The following PLCXD3 variants were observed in gnomAD, a reference collection of about 807,000 sequenced individuals.
The protein encoded by PLCXD3 is PI-PLC X domain-containing protein 3.
Under a neutral mutation model 25.5 loss-of-function variants are expected in PLCXD3, and 19 were observed. That is an observed-to-expected ratio of 0.75 (90% CI 0.52 to 1.09). The LOEUF (loss-of-function observed/expected upper bound fraction) is 1.09, where lower values mean the gene tolerates loss of function less well. PLCXD3 is among the 50% of genes least tolerant of loss of function. The pLI is 0.00. For missense variants in PLCXD3, 411 were observed against 388.1 expected (o/e 1.06, Z -0.50); for synonymous variants, 174 against 137.6 (o/e 1.26, Z -1.85).
At chr5:41,408,892 G>A (rs1372597739) in intron 1 of PLCXD3, among the ~76,000 whole-genome samples, 1 of 152,160 alleles carries the variant, frequency 6.6e-6, no homozygotes, top group African/African-American at 2.4e-5. Flanking sequence ...GAAAGATGGG[G>A]GAGGAAAGTG....
chr5:41,367,979 A>C (rs909343774), intron 2 of PLCXD3, among the ~76,000 whole-genome samples: 2 of 151,986 alleles, frequency 1.3e-5, no homozygotes. Context: ...TGGGTTCTCT[A>C]TTCTGTTCCA....
At chr5:41,431,547 T>C (rs1357389425) in intron 1 of PLCXD3, among the ~76,000 whole-genome samples, 3 of 152,208 alleles carry the variant, frequency 2.0e-5, no homozygotes, top group African/African-American at 7.2e-5. Context: ...TCAGCATGAA[T>C]TGGGAGGGAA....
chr5:41,393,550 A>T (rs979413706), intron 1 of PLCXD3, among the ~76,000 whole-genome samples: 1 of 152,188 alleles, frequency 6.6e-6, no homozygotes, highest in African/African-American at 2.4e-5. Flanking sequence ...GACCCACCCT[A>T]GAAGAAATAT....
chr5:41,473,371 T>C (rs1271474025), intron 1 of PLCXD3, among the ~76,000 whole-genome samples: 1 of 152,162 alleles, frequency 6.6e-6, no homozygotes, highest in Non-Finnish European at 1.5e-5. Context: ...TTGGTGCCAA[T>C]TCTGAGAAAT....
intron 1 of PLCXD3, among the ~76,000 whole-genome samples, chr5:41,487,147 G>C (rs1748538047): frequency 6.6e-6 from 1 of 152,134 alleles, no homozygotes; most frequent in African/African-American, 2.4e-5. Flanking sequence ...GATTGCACTT[G>C]TAGTGCCATA....
In PLCXD3 at chr5:41,336,951, C is replaced by T. The variant is rs150494639; in HGVS notation, c.813-23181G>A. On this transcript the variant is annotated intron_variant, in intron 2 of 2. Coordinates refer to ENST00000377801, the MANE Select transcript of PLCXD3 (RefSeq NM_001005473.3). ...TCTGCTTTCTGGGAAACCCAACCTA[C>T]AAGTGTAATCTAGATGGCAGGAAAT... Among the ~76,000 whole-genome samples, 3 of 152,266 alleles carry T rather than the reference C, an allele frequency of 2.0e-5. No homozygotes were observed. The East Asian group carries it at 5.8e-4, about 29-fold the overall frequency.
At chr5:41,441,839 G>T (rs1003178198) in intron 1 of PLCXD3, among the ~76,000 whole-genome samples, 1 of 152,102 alleles carries the variant, frequency 6.6e-6, no homozygotes, top group Non-Finnish European at 1.5e-5. Flanking sequence ...TGGAGACCCA[G>T]GTTGTCTCCA....
At chr5:41,389,562 G>A (rs538568227) in intron 1 of PLCXD3, among the ~76,000 whole-genome samples, 70 of 152,214 alleles carry the variant, frequency 4.6e-4, no homozygotes, top group Middle Eastern at 6.8e-3. Context: ...TGTAGCTAAA[G>A]GCTCCCGTGT....
intron 1 of PLCXD3, among the ~76,000 whole-genome samples, chr5:41,416,415 G>A (rs1314382561): frequency 1.3e-5 from 2 of 152,216 alleles, no homozygotes; most frequent in Admixed American, 1.3e-4. Flanking sequence ...CAGAAGGAAG[G>A]TCTGTGTACC....
chr5:41,410,625 C>T (rs1746491725), intron 1 of PLCXD3, among the ~76,000 whole-genome samples: 1 of 152,148 alleles, frequency 6.6e-6, no homozygotes, highest in Non-Finnish European at 1.5e-5. Flanking sequence ...TCTACCCAGG[C>T]CATCTGAAGG....
At chr5:41,382,850 G>A (rs570559776) in intron 1 of PLCXD3, among the ~76,000 whole-genome samples, 50 of 152,174 alleles carry the variant, frequency 3.3e-4, no homozygotes, top group South Asian at 2.1e-3. Context: ...CCTTATGGGT[G>A]ACTTAAGTGA....
Position 41,477,397 on chromosome 5 carries a change from T to G in PLCXD3, c.103+33027A>C, listed in dbSNP as rs143463248. On this transcript the variant is annotated intron_variant, in intron 1 of 2. Coordinates refer to ENST00000377801, the MANE Select transcript of PLCXD3 (RefSeq NM_001005473.3). ...GGATTCTGGAATCAGAAGACTTAGA[T>G]CCTATCCCCATACCTGTCGCTCCTG... 5.3e-3 allele frequency among the ~76,000 whole-genome samples: 805 copies of G among 152,274 alleles called. 7 individuals carry two copies. Among genetic ancestry groups the G allele is most frequent in the African/African-American group, 0.018 (747 of 41,554 alleles).
rs551728826 is a variant in PLCXD3, at chr5:41,457,817, G to A, written c.103+52607C>T. Among the ~76,000 whole-genome samples the A allele has an allele frequency of 6.6e-5, 10 of 151,964 alleles. No individual in the cohort carries two copies. In the South Asian group the frequency reaches 1.9e-3, roughly 28 times the overall value. On this transcript the variant is annotated intron_variant, in intron 1 of 2. Transcript: ENST00000377801. ...AGAAAGATGAGCACTGAGAAAATGC[G>A]GAAAGACTGGGCCTTCCCTATCCTC...
At position 41,488,033 on chromosome 5, in the gene PLCXD3, C is replaced by A. The variant is rs532530663; in HGVS notation, c.103+22391G>T. 1.8e-4 allele frequency among the ~76,000 whole-genome samples: 27 copies of A among 149,300 alleles called. No individual in the cohort carries two copies. The South Asian group carries it at 5.8e-3, about 32-fold the overall frequency. On this transcript the variant is annotated intron_variant, in intron 1 of 2. Transcript: ENST00000377801. ...CTGCACCCATTAACTCGTCATTTAG[C>A]ATTAGGTATATCTCCTAAAGCTATC...
rs373244601 is a variant in PLCXD3, at chr5:41,428,374, G to GTTTTTTTTTTTTTTTTTTTTTTT, written c.104-45841_104-45840insAAAAAAAAAAAAAAAAAAAAAAA. Reference sequence around the variant, plus strand: ...TAAAGAGGTGATTAAGTTAAAATGAGTTTTTTTGTTTTTGTTTTTGTTTTT... The same window carrying GTTTTTTTTTTTTTTTTTTTTTTT: ...TAAAGAGGTGATTAAGTTAAAATGAGTTTTTTTTTTTTTTTTTTTTTTTTTTTTTTGTTTTTGTTTTTGTTTTT... On this transcript the variant is annotated intron_variant, in intron 1 of 2. Coordinates refer to ENST00000377801, the MANE Select transcript of PLCXD3 (RefSeq NM_001005473.3). 2.2e-5 allele frequency among the ~76,000 whole-genome samples: 2 copies of GTTTTTTTTTTTTTTTTTTTTTTT among 91,600 alleles called. 1 individual carries two copies. Among genetic ancestry groups the GTTTTTTTTTTTTTTTTTTTTTTT allele is most frequent in the Non-Finnish European group, 4.6e-5 (2 of 43,082 alleles). The allele number at this position is 91,600 out of a possible 152,430, so 60.1% of individuals were successfully genotyped here. A position where few individuals can be genotyped will look rare whatever the true frequency, so the allele number is the denominator to read the frequency against.
At position 41,382,026 on chromosome 5, in the gene PLCXD3, G is replaced by A; in HGVS notation, c.612C>T (p.Pro204=). The part of the protein sequence containing the change: ...FYHSPVALEV[P]FLWPGQMMPA... ...GCATCATCTGCCCAGGCCAGAGAAA[G>A]GGCACTTCCAGAGCCACTGGACTAT... is the stretch of plus-strand genomic sequence containing the variant. Residue 204 remains proline, a synonymous_variant, in exon 2 of 3, where the codon CCC becomes CCT. Coordinates refer to ENST00000377801, the MANE Select transcript of PLCXD3 (RefSeq NM_001005473.3). 2 of 1,613,558 alleles carry A rather than the reference G, an allele frequency of 1.2e-6. No homozygotes were observed. Among genetic ancestry groups the A allele is most frequent in the Non-Finnish European group, 1.7e-6 (2 of 1,179,740 alleles).
At chr5:41,421,809 A>C (rs943972754) in intron 1 of PLCXD3, among the ~76,000 whole-genome samples, 8 of 152,250 alleles carry the variant, frequency 5.3e-5, no homozygotes, top group African/African-American at 1.9e-4. Context: ...ATTTGAAAGA[A>C]TATTCAAACA....
At chr5:41,401,390 G>A (rs1291926535) in intron 1 of PLCXD3, among the ~76,000 whole-genome samples, 1 of 151,992 alleles carries the variant, frequency 6.6e-6, no homozygotes. Context: ...TGGATGACAC[G>A]ATATAAGAGT....
chr5:41,478,581 C>G (rs574103565), intron 1 of PLCXD3, among the ~76,000 whole-genome samples: 2 of 152,098 alleles, frequency 1.3e-5, no homozygotes, highest in Non-Finnish European at 2.9e-5. Context: ...TTTACTTAAA[C>G]GTTTCTCAAA....
Sources: allele counts gnomAD v4.1 joint callset (sites outside exome capture counted in the v4.1 genomes callset), GRCh38; gene constraint gnomAD v4.1.1; transcripts MANE v1.5; gene names NCBI Gene and HGNC (gene_info 2026-07-23, HGNC 2026-07-21).